Variants in RAB3GAP1 observed in about 807,000 individuals in gnomAD.
RAB3GAP1 encodes rab3 GTPase-activating protein catalytic subunit.
A neutral mutation model predicts 130.7 loss-of-function variants in RAB3GAP1; 86 were observed. That is an observed-to-expected ratio of 0.66 (90% CI 0.55 to 0.79). The LOEUF (loss-of-function observed/expected upper bound fraction) is 0.79. RAB3GAP1 is among the 30% of genes least tolerant of loss of function. The pLI is 0.00. For synonymous variants in RAB3GAP1, 367 were observed against 401.7 expected (o/e 0.91, Z 1.03); for missense variants, 1,029 against 1,169.4 (o/e 0.88, Z 1.75).
At chr2:135,115,951 G>T (rs909648938) in intron 7 of RAB3GAP1, among the ~76,000 whole-genome samples, 2 of 152,146 alleles carry the variant, frequency 1.3e-5, no homozygotes, top group South Asian at 4.2e-4. Context: ...TGTGGGGTTG[G>T]GGGGAATGGG....
intron 7 of RAB3GAP1, among the ~76,000 whole-genome samples, chr2:135,117,723 G>GCTTCTTCTTCTTCTGCTT (rs1404431975): frequency 1.2e-4 from 3 of 26,038 alleles, no homozygotes; most frequent in Non-Finnish European, 2.9e-4. Context: ...TTCTTCTTCT[G>GCTTCTTCTTCTTCTGCTT]CTTCTTCTTC....
intron 17 of RAB3GAP1, among the ~76,000 whole-genome samples, chr2:135,144,886 A>G (rs939460473): frequency 1.3e-5 from 2 of 152,028 alleles, no homozygotes; most frequent in Non-Finnish European, 2.9e-5. Flanking sequence ...CCTCTTACAG[A>G]GTCTTAATTT....
intron 17 of RAB3GAP1, among the ~76,000 whole-genome samples, chr2:135,139,402 G>C (rs772643844): frequency 1.3e-5 from 2 of 151,956 alleles, no homozygotes; most frequent in Admixed American, 6.6e-5. Context: ...TTAGCCGAGC[G>C]TGGTGGTGTA....
intron 7 of RAB3GAP1, among the ~76,000 whole-genome samples, chr2:135,120,287 A>G (rs559482445): frequency 1.3e-5 from 2 of 152,336 alleles, no homozygotes; most frequent in African/African-American, 4.8e-5. Context: ...TTCTAATAGC[A>G]GTTTAAACAG....
chr2:135,100,017 T>C (rs1388126622), intron 5 of RAB3GAP1, among the ~76,000 whole-genome samples: 1 of 152,106 alleles, frequency 6.6e-6, no homozygotes, highest in Non-Finnish European at 1.5e-5. Context: ...ATATTGTGCT[T>C]CTGGAAGCCT....
chr2:135,147,332 T>C (rs1692028504), intron 17 of RAB3GAP1, among the ~76,000 whole-genome samples: 1 of 146,126 alleles, frequency 6.8e-6, no homozygotes, highest in African/African-American at 2.5e-5. Flanking sequence ...GATGACAGAG[T>C]GAGACTCTGT....
intron 3 of RAB3GAP1, among the ~76,000 whole-genome samples, chr2:135,083,778 T>G (rs1009944511): frequency 2.7e-5 from 4 of 150,054 alleles, no homozygotes; most frequent in Non-Finnish European, 4.5e-5. Context: ...TTTTTTTTTT[T>G]TTTTTTTTTT....
At chr2:135,144,389 G>C (rs575401906) in intron 17 of RAB3GAP1, among the ~76,000 whole-genome samples, 1 of 152,306 alleles carries the variant, frequency 6.6e-6, no homozygotes, top group African/African-American at 2.4e-5. Context: ...GGGAGTGCTT[G>C]CTGATTGGTT....
chr2:135,140,690 T>C (rs1332413429), intron 17 of RAB3GAP1, among the ~76,000 whole-genome samples: 1 of 152,242 alleles, frequency 6.6e-6, no homozygotes, highest in Non-Finnish European at 1.5e-5. Context: ...GAGTTATCAG[T>C]AGGGGCTGGT....
chr2:135,130,923 G>T (rs142653916), intron 13 of RAB3GAP1, among the ~76,000 whole-genome samples: 4 of 152,338 alleles, frequency 2.6e-5, no homozygotes, highest in Admixed American at 6.5e-5. Context: ...GAGAAATCTG[G>T]CAAGGGGGCT....
intron 3 of RAB3GAP1, among the ~76,000 whole-genome samples, chr2:135,079,611 G>C (rs1024950899): frequency 1.3e-5 from 2 of 152,062 alleles, no homozygotes; most frequent in African/African-American, 4.8e-5. Flanking sequence ...CCAAATCCTC[G>C]TCTGTTCTTT....
chr2:135,129,615 C>A (rs908187925), intron 11 of RAB3GAP1, among the ~76,000 whole-genome samples: 22 of 152,026 alleles, frequency 1.4e-4, no homozygotes, highest in African/African-American at 4.8e-4. Context: ...GATTTAGATT[C>A]TAGTAGTGTA....
At chr2:135,117,504 T>TCTTCTGCTTCTTCTG (rs1558784216) in intron 7 of RAB3GAP1, among the ~76,000 whole-genome samples, 5 of 136,918 alleles carry the variant, frequency 3.7e-5, no homozygotes, top group African/African-American at 1.4e-4. Context: ...TGCTTCTTCT[T>TCTTCTGCTTCTTCTG]CTTCTTCTGC....
intron 9 of RAB3GAP1, among the ~76,000 whole-genome samples, chr2:135,125,868 A>C (rs1182642575): frequency 1.3e-5 from 2 of 152,212 alleles, no homozygotes; most frequent in Admixed American, 1.3e-4. Context: ...GATAAGGAGG[A>C]ACTAATGTAC....
rs762960569 is a variant in RAB3GAP1 at position 135,135,812 on chromosome 2, G to A, written c.1803G>A (p.Glu601=). 5.0e-6 allele frequency: 8 copies of A among 1,614,188 alleles called. No individual in the cohort carries two copies. The South Asian group carries it at 7.7e-5, about 16-fold the overall frequency. The part of the protein sequence containing the change: ...DTEELKGNGQ[E]SGKKGGPKEM... ...AAGAACTTAAAGGAAATGGACAAGA[G>A]AGTGGCAAGAAAGGAGGACCTAAGG... is the stretch of plus-strand genomic sequence containing the variant. The change falls in exon 17 of 24, where the codon GAG becomes GAA. Residue 601 remains glutamate, a synonymous_variant. Transcript: ENST00000264158.
intron 7 of RAB3GAP1, among the ~76,000 whole-genome samples, chr2:135,119,067 CCTT>C (rs1359372190): frequency 6.1e-5 from 9 of 146,566 alleles, no homozygotes; most frequent in African/African-American, 2.3e-4. Context: ...ATCCTTCCTT[CCTT>C]CCTCCCTCCC....
At chr2:135,117,584 TTC>T (rs1691036156) in intron 7 of RAB3GAP1, among the ~76,000 whole-genome samples, 2 of 151,110 alleles carry the variant, frequency 1.3e-5, no homozygotes, top group African/African-American at 4.9e-5. Context: ...CTTCTTCTGC[TTC>T]TTCTTCTGCT....
intron 3 of RAB3GAP1, among the ~76,000 whole-genome samples, chr2:135,059,225 A>T (rs1689101429): frequency 6.6e-6 from 1 of 152,202 alleles, no homozygotes; most frequent in African/African-American, 2.4e-5. Flanking sequence ...ACTCCACTTG[A>T]AACAAATACA....
At chr2:135,148,491 CTTTTTT>C (rs571757000) in intron 17 of RAB3GAP1, among the ~76,000 whole-genome samples, 2 of 108,114 alleles carry the variant, frequency 1.8e-5, no homozygotes, top group African/African-American at 6.9e-5. Flanking sequence ...GCTAGTAATT[CTTTTTT>C]TTTTTTTTTT....
Sources: allele counts gnomAD v4.1 joint callset (sites outside exome capture counted in the v4.1 genomes callset), GRCh38; gene constraint gnomAD v4.1.1; transcripts MANE v1.5; gene names NCBI Gene and HGNC (gene_info 2026-07-23, HGNC 2026-07-21).